The following LRRN2 variants were observed in gnomAD, a reference collection of about 807,000 sequenced individuals.
LRRN2 encodes the protein leucine rich repeat neuronal 2.
Under a neutral mutation model 35.7 loss-of-function variants are expected in LRRN2, and 10 were observed. That is an observed-to-expected ratio of 0.28 (90% CI 0.17 to 0.47). LRRN2 has a LOEUF of 0.47. LRRN2 is among the 20% of genes least tolerant of loss of function. The pLI, the probability that LRRN2 is intolerant of heterozygous loss-of-function variation, is 0.99. For missense variants in LRRN2, 731 were observed against 940.3 expected, an observed-to-expected ratio of 0.78 and a Z score of 2.91; for synonymous variants, 391 against 409.6, an observed-to-expected ratio of 0.95 and a Z score of 0.55.
At chr1:204,663,589 T>A (rs1668514320) in intron 1 of LRRN2, among the ~76,000 whole-genome samples, 1 of 152,144 alleles carries the variant, frequency 6.6e-6, no homozygotes, top group African/African-American at 2.4e-5. Flanking sequence ...CCCTGGGAAA[T>A]GCAACCCACA....
intron 1 of LRRN2, among the ~76,000 whole-genome samples, chr1:204,660,372 C>T (rs532743436): frequency 6.6e-6 from 1 of 152,274 alleles, no homozygotes; most frequent in South Asian, 2.1e-4. Context: ...ACTGGGAGTT[C>T]CTTAAGGGCA....
At position 204,618,443 on chromosome 1, in the gene LRRN2, G is replaced by A; in HGVS notation, c.1550C>T (p.Ala517Val). 1 of 1,614,174 alleles carries A rather than the reference G, an allele frequency of 6.2e-7. No individual in the cohort carries two copies. Among genetic ancestry groups the A allele is most frequent in the Non-Finnish European group, 8.5e-7 (1 of 1,180,012 alleles). Residue 517 changes from alanine to valine, a missense_variant, in exon 2 of 2, where the codon GCT (alanine) becomes GTT (valine). Physicochemically the swap from Ala to Val is moderately conservative, Grantham distance 64. Around this residue, in one of 3 missense-constraint regions of LRRN2, gnomAD observed 229 missense variants for 258.4 expected, o/e 0.89. Coordinates refer to ENST00000367177, the MANE Select transcript of LRRN2 (RefSeq NM_201630.2). ...TTCGTCCCTGCCTGGCTGGAGGAGA[G>A]CACGGCCCACAACCACACTAACCGT... ...TKTVSVVVGR[A>V]LLQPGRDEGQ...
At chr1:204,683,524 G>C (rs1463795847) in intron 1 of LRRN2, among the ~76,000 whole-genome samples, 3 of 152,150 alleles carry the variant, frequency 2.0e-5, no homozygotes, top group African/African-American at 7.2e-5. Flanking sequence ...AGGAAGAACT[G>C]TGTTGAATTA....
rs1195810617 is a variant in LRRN2 at position 204,618,828 on chromosome 1, A to G, written c.1165T>C (p.Phe389Leu). ...CACAGGGTGGATTGCGGCTCGATGA[A>G]GCGGACACGGGTGCCCGTGGCATTG... is the stretch of plus-strand genomic sequence containing the variant. ...WANATGTRVR[F>L]IEPQSTLCAE... Residue 389 changes from phenylalanine (F) to leucine (L), a missense_variant, in exon 2 of 2, where the codon TTC (phenylalanine) becomes CTC (leucine). Coordinates refer to ENST00000367177, the MANE Select transcript of LRRN2 (RefSeq NM_201630.2). 1.9e-6 allele frequency: 3 copies of G among 1,614,074 alleles called. No individual in the cohort carries two copies. The highest frequency in any genetic ancestry group is 2.5e-6 in the Non-Finnish European group (3 of 1,180,026).
At chr1:204,680,011 G>C (rs1010625116) in intron 1 of LRRN2, among the ~76,000 whole-genome samples, 21 of 152,288 alleles carry the variant, frequency 1.4e-4, no homozygotes, top group African/African-American at 5.1e-4. Flanking sequence ...GGATGTCCCA[G>C]AGCACCCTCC....
At chr1:204,648,336 C>A (rs1668153288) in intron 1 of LRRN2, among the ~76,000 whole-genome samples, 1 of 152,198 alleles carries the variant, frequency 6.6e-6, no homozygotes, top group Admixed American at 6.5e-5. Flanking sequence ...CTGGGTACAT[C>A]TCAATGCCAA....
chr1:204,663,820 A>C (rs1417328876), intron 1 of LRRN2: 1 of 152,036 alleles, frequency 6.6e-6, no homozygotes, highest in Non-Finnish European at 1.5e-5. Context: ...TCATCTTCCC[A>C]GTCTGACCCT....
At chr1:204,644,874 C>T (rs1013429078) in intron 1 of LRRN2, among the ~76,000 whole-genome samples, 3 of 152,222 alleles carry the variant, frequency 2.0e-5, no homozygotes, top group Non-Finnish European at 4.4e-5. Flanking sequence ...AGGTAGCAGT[C>T]CCTCCCCAAG....
chr1:204,655,734 T>C (rs1668337557), intron 1 of LRRN2, among the ~76,000 whole-genome samples: 1 of 152,174 alleles, frequency 6.6e-6, no homozygotes, highest in African/African-American at 2.4e-5. Context: ...GCCTCTGTCC[T>C]GAGGGAGATC....
At chr1:204,643,944 T>C (rs1259590173) in intron 1 of LRRN2, among the ~76,000 whole-genome samples, 1 of 152,086 alleles carries the variant, frequency 6.6e-6, no homozygotes, top group Non-Finnish European at 1.5e-5. Flanking sequence ...AGTGTCAACT[T>C]CCATATTGTA....
At chr1:204,675,601 T>C (rs1668810054) in intron 1 of LRRN2, among the ~76,000 whole-genome samples, 1 of 152,208 alleles carries the variant, frequency 6.6e-6, no homozygotes, top group Non-Finnish European at 1.5e-5. Flanking sequence ...CTTCCACCTT[T>C]AAAGGACCCA....
At chr1:204,641,627 G>T (rs764144132) in intron 1 of LRRN2, among the ~76,000 whole-genome samples, 1 of 152,198 alleles carries the variant, frequency 6.6e-6, no homozygotes. Flanking sequence ...TGAAATGGAG[G>T]CTCAGAGAAG....
chr1:204,637,708 TG>T (rs1424070569), intron 1 of LRRN2, among the ~76,000 whole-genome samples: 3 of 108,306 alleles, frequency 2.8e-5, no homozygotes, highest in African/African-American at 9.6e-5. Context: ...GGGCAGTCGC[TG>T]AGAGGGTGGT....
At chr1:204,671,395 T>TTGTG (rs1283425228) in intron 1 of LRRN2, among the ~76,000 whole-genome samples, 1 of 141,434 alleles carries the variant, frequency 7.1e-6, no homozygotes, top group Non-Finnish European at 1.5e-5. Context: ...AGCAATCTGT[T>TTGTG]TGTGTGTTTG....
chr1:204,653,716 G>T (rs1371413610), intron 1 of LRRN2, among the ~76,000 whole-genome samples: 2 of 151,722 alleles, frequency 1.3e-5, no homozygotes, highest in South Asian at 2.1e-4. Context: ...TAAAAAATTA[G>T]CCAGGTGTGG....
intron 1 of LRRN2, among the ~76,000 whole-genome samples, chr1:204,659,457 G>T (rs1668425752): frequency 6.6e-6 from 1 of 152,158 alleles, no homozygotes; most frequent in Non-Finnish European, 1.5e-5. Flanking sequence ...AGGAGGAGGA[G>T]GGAGAGGGTA....
intron 1 of LRRN2, among the ~76,000 whole-genome samples, chr1:204,660,670 C>T (rs1668453800): frequency 6.6e-6 from 1 of 152,076 alleles, no homozygotes; most frequent in Non-Finnish European, 1.5e-5. Flanking sequence ...TGGTGTTTCC[C>T]ATCCTTGGGA....
intron 1 of LRRN2, among the ~76,000 whole-genome samples, chr1:204,671,560 T>C (rs375533757): frequency 4.1e-4 from 59 of 143,284 alleles, no homozygotes; most frequent in African/African-American, 1.5e-3. Flanking sequence ...TTTAGGATAT[T>C]GGCAGGAGGA....
chr1:204,684,519 A>C (rs999956049), intron 1 of LRRN2, among the ~76,000 whole-genome samples: 3 of 152,132 alleles, frequency 2.0e-5, no homozygotes, highest in Non-Finnish European at 4.4e-5. Context: ...GATGGAGCTC[A>C]GTTCCCTCAC....
Sources: allele counts gnomAD v4.1 joint callset (sites outside exome capture counted in the v4.1 genomes callset), GRCh38; gene constraint gnomAD v4.1.1; regional missense constraint gnomAD v4.1.1; transcripts MANE v1.5; gene names NCBI Gene and HGNC (gene_info 2026-07-23, HGNC 2026-07-21).